IL12RB2: variants seen among roughly 807,000 people sequenced by gnomAD.
IL12RB2 encodes interleukin 12 receptor subunit beta 2.
A neutral mutation model predicts 89.4 loss-of-function variants in IL12RB2; 82 were observed. That is an observed-to-expected ratio of 0.92 (90% CI 0.77 to 1.10). The LOEUF is 1.10. Ranked by LOEUF, IL12RB2 falls within the 50% of genes least tolerant of loss-of-function variation. The probability of loss-of-function intolerance (pLI) is 0.00; values close to 1 mark genes in which losing one functional copy is unlikely to be tolerated. For missense variants in IL12RB2, 963 were observed against 1,031.9 expected (o/e 0.93, Z 0.92); for synonymous variants, 368 against 370.1 (o/e 0.99, Z 0.07).
chr1:67,364,153 G>A (rs1662420923), intron 10 of IL12RB2, among the ~76,000 whole-genome samples: 1 of 152,218 alleles, frequency 6.6e-6, no homozygotes, highest in Admixed American at 6.5e-5. Context: ...CACTTTGGAA[G>A]GCTGAGGCAG....
chr1:67,392,784 C>T (rs1296472984), intron 16 of IL12RB2, among the ~76,000 whole-genome samples: 1 of 151,958 alleles, frequency 6.6e-6, no homozygotes, highest in African/African-American at 2.4e-5. Flanking sequence ...GGGCACGCTG[C>T]CACGCCTGGC....
intron 9 of IL12RB2, among the ~76,000 whole-genome samples, chr1:67,343,592 T>C (rs1227266277): frequency 2.6e-5 from 4 of 152,122 alleles, no homozygotes; most frequent in African/African-American, 9.7e-5. Flanking sequence ...AAACTTCCTT[T>C]CTCTTCTCCT....
At chr1:67,313,478 C>T (rs1655356270) in intron 1 of IL12RB2, among the ~76,000 whole-genome samples, 1 of 152,112 alleles carries the variant, frequency 6.6e-6, no homozygotes, top group Admixed American at 6.5e-5. Flanking sequence ...TATGCTGCTA[C>T]TGTTGCTATT....
intron 1 of IL12RB2, among the ~76,000 whole-genome samples, chr1:67,308,846 C>A (rs937920737): frequency 8.6e-5 from 13 of 151,952 alleles, no homozygotes; most frequent in African/African-American, 2.9e-4. Context: ...ATGGTGAAAC[C>A]CTGTCTCTAT....
chr1:67,340,371 C>T (rs887123449), intron 9 of IL12RB2, among the ~76,000 whole-genome samples: 9 of 152,306 alleles, frequency 5.9e-5, no homozygotes, highest in East Asian at 1.9e-4. Flanking sequence ...TTCCTTTTCA[C>T]GAGCAAGTGA....
intron 7 of IL12RB2, 26 bp from the exon 8 acceptor site, chr1:67,330,634 C>A: frequency 3.4e-6 from 4 of 1,175,978 alleles, no homozygotes; most frequent in African/African-American, 1.5e-5. Flanking sequence ...TATTAATAGG[C>A]ACTTTAAAAA....
rs1666314592 is a variant in IL12RB2 at position 67,395,816 on chromosome 1, C to G, written c.2316C>G (p.Ser772Arg). The G allele has an allele frequency of 6.2e-7, 1 of 1,612,780 alleles. No individual in the cohort carries two copies. Among genetic ancestry groups the G allele is most frequent in the South Asian group, 1.1e-5 (1 of 91,042 alleles). ...QLVDLYKVLE[S>R]RGSDPKPENP... is the part of the protein sequence containing the mutation. ...TGGATCTGTACAAGGTGCTGGAGAG[C>G]AGGGGCTCCGACCCAAAGCCCGAAA... Residue 772 changes from serine (S) to arginine (R), a missense_variant, in exon 17 of 17, where the codon AGC becomes AGG. Coordinates refer to ENST00000674203, the MANE Select transcript of IL12RB2 (RefSeq NM_001374259.2).
At chr1:67,376,036 C>T (rs543507232) in intron 13 of IL12RB2, among the ~76,000 whole-genome samples, 4 of 152,060 alleles carry the variant, frequency 2.6e-5, no homozygotes, top group African/African-American at 4.8e-5. Context: ...TTAGTAGACA[C>T]GGGGTTTCAC....
intron 10 of IL12RB2, among the ~76,000 whole-genome samples, chr1:67,360,622 C>G (rs985102566): frequency 9.2e-5 from 14 of 151,830 alleles, no homozygotes; most frequent in African/African-American, 2.7e-4. Flanking sequence ...ATGGCAAAAC[C>G]CTGTCTCTAC....
chr1:67,328,262 T>G lies in IL12RB2; in HGVS notation c.542T>G (p.Leu181Trp). 1 of 1,614,222 alleles carries G rather than the reference T, an allele frequency of 6.2e-7. No homozygotes were observed. The highest frequency in any genetic ancestry group is 8.5e-7 in the Non-Finnish European group (1 of 1,180,018). The stretch of plus-strand genomic sequence containing the variant: ...TGTAAAGACATTTATTGTGACTATT[T>G]GGACTTTGGAATCAACCTCACCCCT... ...KQCKDIYCDY[L>W]DFGINLTPES... is the part of the protein sequence containing the mutation. Residue 181 changes from leucine (L) to tryptophan (W), a missense_variant, in exon 6 of 17, where the codon TTG (leucine) becomes TGG (tryptophan). Coordinates refer to ENST00000674203, the MANE Select transcript of IL12RB2 (RefSeq NM_001374259.2).
At chr1:67,393,433 C>T (rs1473817826) in intron 16 of IL12RB2, among the ~76,000 whole-genome samples, 3 of 152,326 alleles carry the variant, frequency 2.0e-5, no homozygotes, top group Admixed American at 6.5e-5. Flanking sequence ...GAGCAAACAC[C>T]TCACCTTGTG....
At chr1:67,325,386 C>T (rs1021268109) in intron 4 of IL12RB2, among the ~76,000 whole-genome samples, 1 of 150,774 alleles carries the variant, frequency 6.6e-6, no homozygotes, top group Admixed American at 6.6e-5. Context: ...CCTCAGCCTC[C>T]TCAGTAGCTG....
At chr1:67,380,852 CCTT>C (rs1344051087) in intron 14 of IL12RB2, among the ~76,000 whole-genome samples, 3 of 152,150 alleles carry the variant, frequency 2.0e-5, no homozygotes, top group African/African-American at 7.2e-5. Flanking sequence ...CAAATTGTCT[CCTT>C]CTTATAAGGA....
At chr1:67,352,881 A>AT (rs1181909962) in intron 10 of IL12RB2, among the ~76,000 whole-genome samples, 1 of 152,178 alleles carries the variant, frequency 6.6e-6, no homozygotes, top group Non-Finnish European at 1.5e-5. Flanking sequence ...TGTGGGGAAG[A>AT]TACTCTTGTA....
chr1:67,384,309 T>C (rs1231992551), intron 14 of IL12RB2, among the ~76,000 whole-genome samples: 6 of 152,346 alleles, frequency 3.9e-5, no homozygotes, highest in African/African-American at 1.4e-4. Flanking sequence ...TGCCAAGGCC[T>C]GGGGCTTGCA....
At chr1:67,391,925 G>T (rs1019465719) in intron 16 of IL12RB2, among the ~76,000 whole-genome samples, 1 of 152,114 alleles carries the variant, frequency 6.6e-6, no homozygotes, top group Non-Finnish European at 1.5e-5. Flanking sequence ...TTATAGGCGT[G>T]AGCCACCATG....
intron 9 of IL12RB2, among the ~76,000 whole-genome samples, chr1:67,349,842 TTATA>T (rs1365062500): frequency 9.2e-5 from 14 of 152,236 alleles, no homozygotes; most frequent in African/African-American, 3.1e-4. Context: ...AGAAGCCAAA[TTATA>T]ATCAGAAGGC....
In IL12RB2 at chr1:67,367,983, T is replaced by C. The variant is rs1662894553; in HGVS notation, c.1417T>C (p.Trp473Arg). Residue 473 changes from tryptophan to arginine, a missense_variant, in exon 11 of 17, where the codon TGG becomes CGG. Transcript: ENST00000674203. Reference sequence around the variant, plus strand: ...GGGTGACACACAGGTCCCTCTAAACTGGCTACGGAGTCGACCCTACAATGT... The same window carrying C: ...GGGTGACACACAGGTCCCTCTAAACCGGCTACGGAGTCGACCCTACAATGT... ...PGGDTQVPLN[W>R]LRSRPYNVSA... 1.2e-6 allele frequency: 2 copies of C among 1,611,502 alleles called. No individual in the cohort carries two copies. Among genetic ancestry groups the C allele is most frequent in the South Asian group, 1.1e-5 (1 of 91,038 alleles).
chr1:67,381,883 G>A (rs1439862596), intron 14 of IL12RB2, among the ~76,000 whole-genome samples: 1 of 152,118 alleles, frequency 6.6e-6, no homozygotes. Flanking sequence ...CTACTTGGGA[G>A]GCTGAGGCAA....
Sources: allele counts gnomAD v4.1 joint callset (sites outside exome capture counted in the v4.1 genomes callset), GRCh38; gene constraint gnomAD v4.1.1; transcripts MANE v1.5; gene names NCBI Gene and HGNC (gene_info 2026-07-23, HGNC 2026-07-21).